Variants in CLEC14A observed in about 807,000 individuals in gnomAD.
CLEC14A encodes C-type lectin domain containing 14A, also known as C-type lectin domain family 14 member A.
For missense variants in CLEC14A, 682 were observed against 659.9 expected (o/e 1.03, Z -0.37); for synonymous variants, 349 against 292.0 (o/e 1.20, Z -1.99).
In CLEC14A at chr14:38,255,422, C is replaced by T; in HGVS notation, c.601G>A (p.Ala201Thr). Residue 201 changes from alanine (A) to threonine (T), a missense_variant, in exon 1 of 1, where the codon GCC (alanine) becomes ACC (threonine). Transcript: ENST00000342213. This position sits in a 1 kb window ranked among gnomAD's most constrained non-coding sequence, Gnocchi z 5.1. Reference sequence around the variant, plus strand: ...CCAGGTGGACTGAAGTCCAGAGCGGCGCTGTGCAGCTGGAAGGGCGCGCGA... The same window carrying T: ...CCAGGTGGACTGAAGTCCAGAGCGGTGCTGTGCAGCTGGAAGGGCGCGCGA... ...SYRAPFQLHS[A>T]ALDFSPPGTE... 1 of 1,613,344 alleles carries T rather than the reference C, an allele frequency of 6.2e-7. No individual in the cohort carries two copies. The highest frequency in any genetic ancestry group is 8.5e-7 in the Non-Finnish European group (1 of 1,180,026).
In CLEC14A at chr14:38,255,070, G is replaced by A. The variant is rs1243835647; in HGVS notation, c.953C>T (p.Thr318Ile). ...CTTCTCGTCGACCCTGATTGGCCAT[G>A]TTCTCTGCGGCACGGGGCTGGTTGC... ...ATATSPVPQR[T>I]WPIRVDEKLG... is the part of the protein sequence containing the mutation. Residue 318 changes from threonine to isoleucine, a missense_variant, in exon 1 of 1, where the codon ACA (threonine) becomes ATA (isoleucine). Coordinates refer to ENST00000342213, the MANE Select transcript of CLEC14A (RefSeq NM_175060.3). This position sits in a 1 kb window ranked among gnomAD's most constrained non-coding sequence, Gnocchi z 5.1. The A allele has an allele frequency of 1.9e-6, 3 of 1,612,726 alleles. No individual in the cohort carries two copies. The highest frequency in any genetic ancestry group is 2.5e-6 in the Non-Finnish European group (3 of 1,180,024).
rs372040859 is a variant in CLEC14A, at chr14:38,256,024, C to T, written c.-2G>A. 8 of 1,518,722 alleles carry T rather than the reference C, an allele frequency of 5.3e-6. No homozygotes were observed. Among genetic ancestry groups the T allele is most frequent in the Admixed American group, 2.1e-5 (1 of 47,062 alleles). The allele number at this position is 1,518,722 out of a possible 1,614,324, so 94.1% of individuals were successfully genotyped here. ...GCACAGGGCGAACGCCGGCCTCATT[C>T]TCTGAGGCCCCGCACGCAGAGCTGC... On this transcript the variant is annotated 5_prime_UTR_variant, in exon 1 of 1. Transcript: ENST00000342213.
rs752808089 is a variant in CLEC14A, at chr14:38,255,746, A to G, written c.277T>C (p.Trp93Arg). ...PGGGSKDLLF[W>R]VALERRRSHC... ...GAACGCCTGCGCTCCAGTGCGACCC[A>G]GAACAGCAGGTCTTTGGAGCCCCCT... Residue 93 changes from tryptophan to arginine, a missense_variant, in exon 1 of 1, where the codon TGG (tryptophan) becomes CGG (arginine). By Grantham distance (101) the Trp-to-Arg change is moderately radical. Coordinates refer to ENST00000342213, the MANE Select transcript of CLEC14A (RefSeq NM_175060.3). This position sits in a 1 kb window ranked among gnomAD's most constrained non-coding sequence, Gnocchi z 5.1. 1 of 1,552,034 alleles carries G rather than the reference A, an allele frequency of 6.4e-7. No homozygotes were observed. The highest frequency in any genetic ancestry group is 1.2e-5 in the South Asian group (1 of 85,308).
chr14:38,255,041 C>T lies in CLEC14A; in HGVS notation c.982G>A (p.Gly328Arg). 1.2e-6 allele frequency: 2 copies of T among 1,613,478 alleles called. No individual in the cohort carries two copies. The highest frequency in any genetic ancestry group is 1.1e-5 in the South Asian group (1 of 91,080). ...TGTTCAGGGACAAGTGGTGTCTCTC[C>T]CAGCTTCTCGTCGACCCTGATTGGC... ...TWPIRVDEKL[G>R]ETPLVPEQDN... Residue 328 changes from glycine (G) to arginine (R), a missense_variant, in exon 1 of 1, where the codon GGA becomes AGA. Gly to Arg is a moderately radical substitution (Grantham distance 125). Coordinates refer to ENST00000342213, the MANE Select transcript of CLEC14A (RefSeq NM_175060.3). This position sits in a 1 kb window ranked among gnomAD's most constrained non-coding sequence, Gnocchi z 5.1.
In CLEC14A at chr14:38,254,830, A is replaced by G. The variant is rs1884008169; in HGVS notation, c.1193T>C (p.Val398Ala). Residue 398 changes from valine to alanine, a missense_variant, in exon 1 of 1, where the codon GTG becomes GCG. Coordinates refer to ENST00000342213, the MANE Select transcript of CLEC14A (RefSeq NM_175060.3). ...TPQAFDSSSA[V>A]VFIFVSTAVV... ...TGCTGTGCTCACAAATATGAAGACC[A>G]CGGCAGAGGAGGAGTCGAAAGCCTG... 6.2e-7 allele frequency: 1 copy of G among 1,614,140 alleles called. No homozygotes were observed. Among genetic ancestry groups the G allele is most frequent in the Non-Finnish European group, 8.5e-7 (1 of 1,180,012 alleles).
In CLEC14A at chr14:38,255,560, C is replaced by A. The variant is rs758341471; in HGVS notation, c.463G>T (p.Ala155Ser). 1.2e-5 allele frequency: 19 copies of A among 1,612,988 alleles called. No homozygotes were observed. In the East Asian group the frequency reaches 4.0e-4, roughly 34 times the overall value. Residue 155 changes from alanine to serine, a missense_variant, in exon 1 of 1, where the codon GCA (alanine) becomes TCA (serine). Transcript: ENST00000342213. The surrounding 1 kb of genome is among the most constrained non-coding windows in gnomAD (Gnocchi z 5.1). ...VLQATGGVEP[A>S]GWKEMRCHLR... is the part of the protein sequence containing the mutation. ...TGGCATCGCATCTCCTTCCAGCCTG[C>A]GGGCTCGACCCCACCGGTGGCCTGG...
chr14:38,254,917 G>A lies in CLEC14A; in HGVS notation c.1106C>T (p.Thr369Ile), dbSNP rs1884011416. The stretch of plus-strand genomic sequence containing the variant: ...AATCACGCTCCCTGATGGGGTGATA[G>A]TGGCCTTTGACTCGGCTTGAAGGGA... ...QMSLQAESKA[T>I]ITPSGSVISK... is the part of the protein sequence containing the mutation. The change falls in exon 1 of 1, where the codon ACT (threonine) becomes ATT (isoleucine). Residue 369 changes from threonine (T) to isoleucine (I), a missense_variant. Coordinates refer to ENST00000342213, the MANE Select transcript of CLEC14A (RefSeq NM_175060.3). The A allele has an allele frequency of 6.2e-7, 1 of 1,614,114 alleles. No homozygotes were observed. The highest frequency in any genetic ancestry group is 8.5e-7 in the Non-Finnish European group (1 of 1,180,048).
chr14:38,255,813 C>T lies in CLEC14A; in HGVS notation c.210G>A (p.Leu70=). 6.5e-7 allele frequency: 1 copy of T among 1,539,544 alleles called. No individual in the cohort carries two copies. Among genetic ancestry groups the T allele is most frequent in the Non-Finnish European group, 8.7e-7 (1 of 1,147,760 alleles). The change falls in exon 1 of 1, where the codon CTG becomes CTA. Residue 70 remains leucine (L), a synonymous_variant. Transcript: ENST00000342213. The surrounding 1 kb of genome is among the most constrained non-coding windows in gnomAD (Gnocchi z 5.1). The stretch of plus-strand genomic sequence containing the variant: ...CCCGCAGGAGCGCGAGCACAGCGCG[C>T]AGCTCGGCGCCCGCACGCACGGTGC... ...ALSTVRAGAE[L]RAVLALLRAG...
chr14:38,255,087 G>A lies in CLEC14A; in HGVS notation c.936C>T (p.Ser312=), dbSNP rs750838843. 1.2e-6 allele frequency: 2 copies of A among 1,612,544 alleles called. No homozygotes were observed. Among genetic ancestry groups the A allele is most frequent in the South Asian group, 1.1e-5 (1 of 91,088 alleles). The change falls in exon 1 of 1, where the codon AGC becomes AGT. Residue 312 remains serine, a synonymous_variant. Coordinates refer to ENST00000342213, the MANE Select transcript of CLEC14A (RefSeq NM_175060.3). This position sits in a 1 kb window ranked among gnomAD's most constrained non-coding sequence, Gnocchi z 5.1. Reference sequence around the variant, plus strand: ...TTGGCCATGTTCTCTGCGGCACGGGGCTGGTTGCAGTGGCCGGCGGGCGCC... The same window carrying A: ...TTGGCCATGTTCTCTGCGGCACGGGACTGGTTGCAGTGGCCGGCGGGCGCC... ...PTRRPPATAT[S]PVPQRTWPIR... is the part of the protein sequence containing the mutation.
At position 38,255,114 on chromosome 14, in the gene CLEC14A, G is replaced by C. The variant is rs749083132; in HGVS notation, c.909C>G (p.Thr303=). 42 of 1,612,252 alleles carry C rather than the reference G, an allele frequency of 2.6e-5. No individual in the cohort carries two copies. The highest frequency in any genetic ancestry group is 3.3e-5 in the Non-Finnish European group (39 of 1,180,004). The change falls in exon 1 of 1, where the codon ACC becomes ACG. Residue 303 remains threonine, a synonymous_variant. Transcript: ENST00000342213. This position sits in a 1 kb window ranked among gnomAD's most constrained non-coding sequence, Gnocchi z 5.1. ...QPTLGGTGVP[T]RRPPATATSP... ...TGGTTGCAGTGGCCGGCGGGCGCCT[G>C]GTGGGCACCCCGGTCCCCCCAAGGG...
Position 38,254,773 on chromosome 14 carries a change from A to T in CLEC14A, c.1250T>A (p.Val417Glu). 1 of 1,614,150 alleles carries T rather than the reference A, an allele frequency of 6.2e-7. No individual in the cohort carries two copies. The highest frequency in any genetic ancestry group is 1.3e-5 in the African/African-American group (1 of 75,042). Residue 417 changes from valine to glutamate, a missense_variant, in exon 1 of 1, where the codon GTA (valine) becomes GAA (glutamate). Val to Glu is a moderately radical substitution (Grantham distance 121). Coordinates refer to ENST00000342213, the MANE Select transcript of CLEC14A (RefSeq NM_175060.3). ...VVVLVILTMT[V>E]LGLVKLCFHE... ...AAAGCAGAGCTTGACAAGCCCCAGT[A>T]CTGTCATGGTCAAGATCACCAACAC...
Position 38,255,321 on chromosome 14 carries a change from G to T in CLEC14A, c.702C>A (p.Arg234=). Residue 234 remains arginine (R), a synonymous_variant, in exon 1 of 1, where the codon CGC becomes CGA. Coordinates refer to ENST00000342213, the MANE Select transcript of CLEC14A (RefSeq NM_175060.3). This position sits in a 1 kb window ranked among gnomAD's most constrained non-coding sequence, Gnocchi z 5.1. ...ACACATCGCCCGAGAGTTTGTCCCA[G>T]CGAGCGCCGATTTCGTCCGCGATGC... is the stretch of plus-strand genomic sequence containing the variant. ...VTCIADEIGA[R]WDKLSGDVLC... The T allele has an allele frequency of 2.5e-6, 4 of 1,613,642 alleles. No homozygotes were observed. The highest frequency in any genetic ancestry group is 3.4e-6 in the Non-Finnish European group (4 of 1,180,036).
chr14:38,255,990 C>G lies in CLEC14A; in HGVS notation c.33G>C (p.Trp11Cys), dbSNP rs762324985. 1.9e-6 allele frequency: 3 copies of G among 1,539,178 alleles called. No homozygotes were observed. The African/African-American group carries it at 4.2e-5, about 21-fold the overall frequency. MRPAFALCLL[W>C]QALWPGPGGG... is the part of the protein sequence containing the mutation. ...CGCCCGGCCCGGGCCAGAGCGCCTG[C>G]CAGAGGAGGCACAGGGCGAACGCCG... The change falls in exon 1 of 1, where the codon TGG becomes TGC. Residue 11 changes from tryptophan (W) to cysteine (C), a missense_variant. By Grantham distance (215) the Trp-to-Cys change is radical. Coordinates refer to ENST00000342213, the MANE Select transcript of CLEC14A (RefSeq NM_175060.3). The surrounding 1 kb of genome is among the most constrained non-coding windows in gnomAD (Gnocchi z 5.1).
rs763265743 is a variant in CLEC14A at position 38,255,244 on chromosome 14, G to A, written c.779C>T (p.Pro260Leu). Residue 260 changes from proline (P) to leucine (L), a missense_variant, in exon 1 of 1, where the codon CCT (proline) becomes CTT (leucine). By Grantham distance (98) the Pro-to-Leu change is moderately conservative (BLOSUM62 -3). Coordinates refer to ENST00000342213, the MANE Select transcript of CLEC14A (RefSeq NM_175060.3). This position sits in a 1 kb window ranked among gnomAD's most constrained non-coding sequence, Gnocchi z 5.1. The part of the protein sequence containing the change: ...YLRAGKCAEL[P>L]NCLDDLGGFA... ...GCCTCCCAAGTCGTCTAGGCAGTTA[G>A]GGAGCTCTGCGCATTTGCCAGCACG... 1.9e-6 allele frequency: 3 copies of A among 1,613,876 alleles called. No individual in the cohort carries two copies. The highest frequency in any genetic ancestry group is 2.2e-5 in the South Asian group (2 of 91,090).
In CLEC14A at chr14:38,254,562, A is replaced by C; in HGVS notation, c.1461T>G (p.Ser487=). The C allele has an allele frequency of 6.3e-7, 1 of 1,579,160 alleles. No individual in the cohort carries two copies. Among genetic ancestry groups the C allele is most frequent in the East Asian group, 2.3e-5 (1 of 44,370 alleles). ...GALLAESPLG[S]SDA ...GTCCCCTGTTTCCCTATGCATCACT[A>C]GAGCCAAGAGGGGACTCCGCCAGCA... is the stretch of plus-strand genomic sequence containing the variant. The change falls in exon 1 of 1, where the codon TCT becomes TCG. Residue 487 remains serine (S), a synonymous_variant. Coordinates refer to ENST00000342213, the MANE Select transcript of CLEC14A (RefSeq NM_175060.3).
chr14:38,254,733 A>G lies in CLEC14A; in HGVS notation c.1290T>C (p.Ser430=), dbSNP rs951947364. The G allele has an allele frequency of 9.3e-6, 15 of 1,614,050 alleles. No individual in the cohort carries two copies. The highest frequency in any genetic ancestry group is 1.2e-5 in the Non-Finnish European group (14 of 1,180,038). The change falls in exon 1 of 1, where the codon TCT becomes TCC. Residue 430 remains serine, a synonymous_variant. Coordinates refer to ENST00000342213, the MANE Select transcript of CLEC14A (RefSeq NM_175060.3). ...LVKLCFHESP[S]SQPRKESMGP... ...CCATAGACTCCTTCCTTGGCTGGGA[A>G]GAGGGGCTTTCGTGAAAGCAGAGCT...
In CLEC14A at chr14:38,254,420, G is replaced by A; in HGVS notation, c.*130C>T. Reference sequence around the variant, plus strand: ...TGCAGTTCTGATTTAGCTCCTCAGTGGAGTAAAGGGAATTTAGAGGAAGGG... The same window carrying A: ...TGCAGTTCTGATTTAGCTCCTCAGTAGAGTAAAGGGAATTTAGAGGAAGGG... On this transcript the variant is annotated 3_prime_UTR_variant, in exon 1 of 1. Transcript: ENST00000342213. 1 of 842,120 alleles carries A rather than the reference G, an allele frequency of 1.2e-6. No homozygotes were observed. Among genetic ancestry groups the A allele is most frequent in the Non-Finnish European group, 1.8e-6 (1 of 549,830 alleles). 52.2% of individuals were successfully genotyped at this position (842,120 alleles called of 1,614,324 possible).
chr14:38,254,379 C>T lies in CLEC14A; in HGVS notation c.*171G>A. ...CTAAAGGCACTTCCACTTCCTCTATCATCAGGGAAGGAGTGTGCAGTTCTG... is the reference window on the plus strand; with the variant it reads ...CTAAAGGCACTTCCACTTCCTCTATTATCAGGGAAGGAGTGTGCAGTTCTG... On this transcript the variant is annotated 3_prime_UTR_variant, in exon 1 of 1. Transcript: ENST00000342213. The T allele has an allele frequency of 1.8e-6, 1 of 562,924 alleles. No individual in the cohort carries two copies. Among genetic ancestry groups the T allele is most frequent in the Non-Finnish European group, 3.0e-6 (1 of 335,254 alleles). The allele number at this position is 562,924 out of a possible 1,614,324, so 34.9% of individuals were successfully genotyped here.
In CLEC14A at chr14:38,255,439, G is replaced by T; in HGVS notation, c.584C>A (p.Pro195His). The stretch of plus-strand genomic sequence containing the variant: ...CAGAGCGGCGCTGTGCAGCTGGAAG[G>T]GCGCGCGATAGCTCAAGTTAGAGGC... Reference protein sequence around the residue: ...GAASNLSYRAPFQLHSAALDF... With the variant: ...GAASNLSYRAHFQLHSAALDF... Residue 195 changes from proline to histidine, a missense_variant, in exon 1 of 1, where the codon CCC (proline) becomes CAC (histidine). By Grantham distance (77) the Pro-to-His change is moderately conservative. Coordinates refer to ENST00000342213, the MANE Select transcript of CLEC14A (RefSeq NM_175060.3). This position sits in a 1 kb window ranked among gnomAD's most constrained non-coding sequence, Gnocchi z 5.1. 2 of 1,613,274 alleles carry T rather than the reference G, an allele frequency of 1.2e-6. No homozygotes were observed. The highest frequency in any genetic ancestry group is 1.7e-6 in the Non-Finnish European group (2 of 1,180,012).
Sources: allele counts gnomAD v4.1 joint callset, GRCh38; gene constraint gnomAD v4.1.1; non-coding constraint Gnocchi (gnomAD v3.1); transcripts MANE v1.5; gene names NCBI Gene and HGNC (gene_info 2026-07-23, HGNC 2026-07-21).